Variants in LRRC9 observed in about 807,000 individuals in gnomAD.
LRRC9 encodes the protein leucine rich repeat containing 9.
In LRRC9, 122 loss-of-function variants were observed where a neutral mutation model predicts 63.2. That is an observed-to-expected ratio of 1.93 (90% CI 1.67 to 2.24). The LOEUF (loss-of-function observed/expected upper bound fraction) is 2.24. Ranked by LOEUF, LRRC9 falls within the 30% of genes most tolerant of loss-of-function variation. The pLI, the probability that LRRC9 is intolerant of heterozygous loss-of-function variation, is 0.00. For synonymous variants in LRRC9, 366 were observed against 213.1 expected (o/e 1.72, Z -6.25); for missense variants, 1,071 against 627.7 (o/e 1.71, Z -7.55).
chr14:59,946,517 A>T (rs553455771), intron 8 of LRRC9, among the ~76,000 whole-genome samples: 27 of 143,094 alleles, frequency 1.9e-4, no homozygotes, highest in East Asian at 6.0e-4. Context: ...TTTTTTTTTT[A>T]AATTATACTT....
chr14:59,926,992 T>G (rs1889264072), intron 1 of LRRC9, among the ~76,000 whole-genome samples: 1 of 152,142 alleles, frequency 6.6e-6, no homozygotes, highest in Admixed American at 6.5e-5. Flanking sequence ...CATTTTTTCT[T>G]TTCCATTTTT....
chr14:60,019,371 T>C (rs1334916543), intron 26 of LRRC9, 111 bp downstream of exon 26: 3 of 464,768 alleles, frequency 6.5e-6, no homozygotes, highest in Non-Finnish European at 1.1e-5. Flanking sequence ...ATTTAGCTTA[T>C]TGTAATACCT....
At chr14:59,933,999 C>A (rs1319775149) in intron 6 of LRRC9, among the ~76,000 whole-genome samples, 2 of 152,036 alleles carry the variant, frequency 1.3e-5, no homozygotes, top group East Asian at 3.9e-4. Context: ...GTGATATGAT[C>A]AGAAATGTTC....
downstream of LRRC9, among the ~76,000 whole-genome samples, chr14:60,066,070 G>A (rs1005626105): frequency 1.3e-5 from 2 of 151,872 alleles, no homozygotes; most frequent in East Asian, 1.9e-4. Context: ...CTCCTGCCTC[G>A]GCTCCCGCAA....
intron 15 of LRRC9, among the ~76,000 whole-genome samples, chr14:59,980,160 C>G (rs1029856585): frequency 1.3e-5 from 2 of 151,880 alleles, no homozygotes; most frequent in Non-Finnish European, 2.9e-5. Context: ...AAGCCTTTAG[C>G]TTTTTTAATC....
Position 59,944,734 on chromosome 14 carries a change from T to C in LRRC9, c.872T>C (p.Val291Ala), listed in dbSNP as rs971412645. 4 of 666,428 alleles carry C rather than the reference T, an allele frequency of 6.0e-6. No individual in the cohort carries two copies. In the African/African-American group the frequency reaches 7.3e-5, roughly 12 times the overall value. The allele number at this position is 666,428 out of a possible 1,614,324, so 41.3% of individuals were successfully genotyped here. The change falls in exon 8 of 32, where the codon GTG becomes GCG. Residue 291 changes from valine (V) to alanine (A), a missense_variant. Physicochemically the swap from Val to Ala is moderately conservative, Grantham distance 64. Transcript: ENST00000445360. ...GAACGAGTAAAATTATTCAGCTTTG[T>C]GAAGAAAACTGTAAGATTTAATAAT... is the stretch of plus-strand genomic sequence containing the variant.
chr14:59,999,894 A>G (rs894895727), intron 19 of LRRC9, among the ~76,000 whole-genome samples: 7 of 152,152 alleles, frequency 4.6e-5, no homozygotes, highest in African/African-American at 1.4e-4. Flanking sequence ...ACCCTAAGAA[A>G]AGAACTAAAA....
In LRRC9 at chr14:59,997,114, A is replaced by G. The variant is rs374554128; in HGVS notation, c.2212-542A>G. 5.9e-5 allele frequency among the ~76,000 whole-genome samples: 9 copies of G among 152,214 alleles called. No individual in the cohort carries two copies. The East Asian group carries it at 1.5e-3, about 26-fold the overall frequency. On this transcript the variant is annotated intron_variant, in intron 17 of 31. Transcript: ENST00000445360. The stretch of plus-strand genomic sequence containing the variant: ...GTGGTTCTTTCTGAGCAATAGGATT[A>G]TATATGTTTTCTATTTTTTCTTTTC...
In LRRC9 at chr14:59,938,984, TACAC is replaced by T. The variant is rs1219447711; in HGVS notation, c.726+416_726+419del. ...ACACATATATACATATATACATATA[TACAC>T]ACATATATACATATACATATATACA... On this transcript the variant is annotated intron_variant, in intron 7 of 31. Transcript: ENST00000445360. The surrounding 1 kb of genome is among the most constrained non-coding windows in gnomAD (Gnocchi z 4.2). 6.3e-5 allele frequency among the ~76,000 whole-genome samples: 9 copies of T among 142,888 alleles called. No individual in the cohort carries two copies. The highest frequency in any genetic ancestry group is 2.2e-4 in the South Asian group (1 of 4,574). 93.7% of individuals were successfully genotyped at this position (142,888 alleles called of 152,430 possible).
At chr14:60,035,334 A>G (rs1892343471) in intron 29 of LRRC9, among the ~76,000 whole-genome samples, 2 of 152,068 alleles carry the variant, frequency 1.3e-5, no homozygotes, top group Admixed American at 1.3e-4. Flanking sequence ...ACTTTGCTGT[A>G]CGGAAGCTTT....
Position 59,982,072 on chromosome 14 carries a change from G to A in LRRC9, c.2091+12G>A, listed in dbSNP as rs770866226. 1.5e-6 allele frequency: 1 copy of A among 681,958 alleles called. No homozygotes were observed. Among genetic ancestry groups the A allele is most frequent in the South Asian group, 1.6e-5 (1 of 62,766 alleles). The allele number at this position is 681,958 out of a possible 1,614,324, so 42.2% of individuals were successfully genotyped here. On this transcript the variant is annotated intron_variant, in intron 16 of 31. Coordinates refer to ENST00000445360, the Ensembl canonical transcript of LRRC9. Reference sequence around the variant, plus strand: ...ACAGTCATATTGTGGTGAGTATTGTGAGAAATACAGCTTTGAGACAGGAAT... The same window carrying A: ...ACAGTCATATTGTGGTGAGTATTGTAAGAAATACAGCTTTGAGACAGGAAT...
intron 27 of LRRC9, among the ~76,000 whole-genome samples, chr14:60,024,629 C>T (rs1025149352): frequency 6.6e-6 from 1 of 151,892 alleles, no homozygotes; most frequent in Non-Finnish European, 1.5e-5. Context: ...ACCTGGAGAC[C>T]TGGCCTTAAA....
intron 1 of LRRC9, among the ~76,000 whole-genome samples, chr14:59,925,710 A>G (rs1432427354): frequency 6.6e-6 from 1 of 152,178 alleles, no homozygotes; most frequent in African/African-American, 2.4e-5. Context: ...CTTATATATA[A>G]TACACAGCTA....
chr14:60,016,721 T>C (rs751135426), exon 24 of LRRC9: 25 of 701,292 alleles, frequency 3.6e-5, no homozygotes, highest in East Asian at 1.1e-4. Context: ...TCTGACATGA[T>C]TGCAGAACGA....
chr14:59,997,782 A>C, exon 18 of LRRC9: 1 of 702,320 alleles, frequency 1.4e-6, no homozygotes, highest in South Asian at 1.5e-5. Flanking sequence ...CAATGAAATA[A>C]ATATGTTATG....
chr14:59,959,375 T>C (rs1298019561), intron 8 of LRRC9, among the ~76,000 whole-genome samples: 7 of 152,220 alleles, frequency 4.6e-5, no homozygotes. Context: ...TAGTTATTTT[T>C]TTCCAGAACA....
Position 60,051,756 on chromosome 14 carries a change from G to C in LRRC9, c.3991-1309G>C, listed in dbSNP as rs1342362058. On this transcript the variant is annotated intron_variant, in intron 29 of 31. Coordinates refer to ENST00000445360, the Ensembl canonical transcript of LRRC9. The surrounding 1 kb of genome is among the most constrained non-coding windows in gnomAD (Gnocchi z 4.7). The stretch of plus-strand genomic sequence containing the variant: ...ATAAAACTTCTGGGTCTCTGTGCCT[G>C]AGCAGCTACTCTGCCAAGACTCCAC... Among the ~76,000 whole-genome samples the C allele has an allele frequency of 2.6e-5, 4 of 152,190 alleles. No individual in the cohort carries two copies. The highest frequency in any genetic ancestry group is 5.9e-5 in the Non-Finnish European group (4 of 68,028).
Position 60,051,598 on chromosome 14 carries a change from G to A in LRRC9, c.3991-1467G>A, listed in dbSNP as rs1435559133. ...GGCTGGCTGGAATTCTAAGCCAGTGGGTCTTAACTTATGAGGTGCCATGAA... is the reference window on the plus strand; with the variant it reads ...GGCTGGCTGGAATTCTAAGCCAGTGAGTCTTAACTTATGAGGTGCCATGAA... On this transcript the variant is annotated intron_variant, in intron 29 of 31. Transcript: ENST00000445360. The surrounding 1 kb of genome is among the most constrained non-coding windows in gnomAD (Gnocchi z 4.7). 2.6e-5 allele frequency among the ~76,000 whole-genome samples: 4 copies of A among 152,124 alleles called. No homozygotes were observed. The highest frequency in any genetic ancestry group is 5.9e-5 in the Non-Finnish European group (4 of 68,012).
At chr14:59,994,379 A>G (rs1337983592) in intron 17 of LRRC9, among the ~76,000 whole-genome samples, 24 of 152,074 alleles carry the variant, frequency 1.6e-4, no homozygotes, top group Non-Finnish European at 3.1e-4. Context: ...TGGAGAGGAT[A>G]TGGAGAAATA....
Sources: gnomAD v4.1 joint callset for allele counts (sites outside exome capture counted in the v4.1 genomes callset) on GRCh38, gnomAD v4.1.1 for gene constraint, Gnocchi (gnomAD v3.1) non-coding constraint, MANE v1.5 for transcripts, NCBI Gene and HGNC (gene_info 2026-07-23, HGNC 2026-07-21) for gene names.